The following PIK3CB variants were observed in gnomAD, a reference collection of about 807,000 sequenced individuals.
PIK3CB encodes the protein phosphatidylinositol-4,5-bisphosphate 3-kinase catalytic subunit beta.
In PIK3CB, 39 loss-of-function variants were observed where a neutral mutation model predicts 136.8. That is an observed-to-expected ratio of 0.29 (90% CI 0.22 to 0.37). PIK3CB has a LOEUF of 0.37. PIK3CB is among the 10% of genes least tolerant of loss of function. PIK3CB has a pLI of 1.00. For missense variants in PIK3CB, 868 were observed against 1,275.4 expected, an observed-to-expected ratio of 0.68 and a Z score of 4.87; for synonymous variants, 428 against 436.6, an observed-to-expected ratio of 0.98 and a Z score of 0.25.
intron 1 of PIK3CB, among the ~76,000 whole-genome samples, chr3:138,797,430 A>G (rs1286239636): frequency 6.6e-6 from 1 of 152,148 alleles, no homozygotes; most frequent in Non-Finnish European, 1.5e-5. Context: ...CAGATTGCAC[A>G]CCCATGAAGC....
chr3:138,661,302 C>T (rs772921424), intron 21 of PIK3CB, among the ~76,000 whole-genome samples: 5 of 152,182 alleles, frequency 3.3e-5, no homozygotes, highest in Non-Finnish European at 7.3e-5. Flanking sequence ...AGTTCTGTTT[C>T]AGCCTCTTTC....
intron 2 of PIK3CB, chr3:138,778,256 A>T: frequency 2.4e-6 from 1 of 416,094 alleles, no homozygotes; most frequent in Non-Finnish European, 4.7e-6. Context: ...AACACCTCGC[A>T]ATTCCCAGCA....
At chr3:138,698,247 T>C (rs2044178352) in intron 13 of PIK3CB, among the ~76,000 whole-genome samples, 1 of 152,200 alleles carries the variant, frequency 6.6e-6, no homozygotes, top group African/African-American at 2.4e-5. Flanking sequence ...AATTTGGTTA[T>C]TTTAGTAGAC....
chr3:138,694,978 G>A, intron 13 of PIK3CB, 71 bp from the exon 14 acceptor site: 3 of 1,461,028 alleles, frequency 2.1e-6, no homozygotes, highest in Non-Finnish European at 2.8e-6. Context: ...TGACACACAG[G>A]AGCACCAAGA....
At chr3:138,776,290 A>G (rs1332822389) in intron 2 of PIK3CB, among the ~76,000 whole-genome samples, 2 of 152,196 alleles carry the variant, frequency 1.3e-5, no homozygotes, top group Admixed American at 1.3e-4. Flanking sequence ...TCCTGACTGA[A>G]CGTAGCTACT....
chr3:138,826,222 G>T (rs758182519), intron 1 of PIK3CB: 2 of 1,466,082 alleles, frequency 1.4e-6, no homozygotes, highest in East Asian at 2.3e-5. Context: ...TTTGCTGCTC[G>T]TGATATGAAA....
intron 2 of PIK3CB, among the ~76,000 whole-genome samples, chr3:138,784,790 T>TC (rs1021312749): frequency 5.3e-5 from 8 of 152,158 alleles, no homozygotes; most frequent in Admixed American, 5.2e-4. Flanking sequence ...AACCTCCACC[T>TC]CCCAGCCGCC....
Position 138,775,185 on chromosome 3 carries a change from CAG to C in PIK3CB, c.-16-15828_-16-15827del, listed in dbSNP as rs1396956687. Among the ~76,000 whole-genome samples, 11 of 152,314 alleles carry C rather than the reference CAG, an allele frequency of 7.2e-5. No individual in the cohort carries two copies. In the South Asian group the frequency reaches 2.1e-3, roughly 29 times the overall value. Reference sequence around the variant, plus strand: ...CACTGGTTATTCTCTCTAGAGGACACAGAGAGTCCAGAGAGGCAGGCTGATAA... The same window carrying C: ...CACTGGTTATTCTCTCTAGAGGACACAGAGTCCAGAGAGGCAGGCTGATAA... On this transcript the variant is annotated intron_variant, in intron 2 of 23. Coordinates refer to ENST00000674063, the MANE Select transcript of PIK3CB (RefSeq NM_006219.3).
At position 138,698,893 on chromosome 3, in the gene PIK3CB, C is replaced by T. The variant is rs756490025; in HGVS notation, c.1770+14G>A. The T allele has an allele frequency of 1.0e-5, 16 of 1,559,190 alleles. No individual in the cohort carries two copies. Among genetic ancestry groups the T allele is most frequent in the South Asian group, 9.5e-5 (8 of 84,516 alleles). On this transcript the variant is annotated intron_variant, in intron 13 of 23. Coordinates refer to ENST00000674063, the MANE Select transcript of PIK3CB (RefSeq NM_006219.3). ...ATACACCCAAAAAAAGTTATAGAAA[C>T]GATCTTTTGTTACCTGAGCAACATC...
rs1175665806 is a variant in PIK3CB, at chr3:138,721,340, T to C, written c.1051-6621A>G. On this transcript the variant is annotated intron_variant, in intron 8 of 23. Transcript: ENST00000674063. Reference sequence around the variant, plus strand: ...ACCACACCTGGCTAATTTTTTTGTATTTTTATTAGAGATGAGGTTTCACCA... The same window carrying C: ...ACCACACCTGGCTAATTTTTTTGTACTTTTATTAGAGATGAGGTTTCACCA... 3.9e-5 allele frequency among the ~76,000 whole-genome samples: 6 copies of C among 152,222 alleles called. No individual in the cohort carries two copies. In the South Asian group the frequency reaches 1.0e-3, roughly 26 times the overall value.
intron 2 of PIK3CB, among the ~76,000 whole-genome samples, chr3:138,773,719 A>C (rs528026862): frequency 1.3e-5 from 2 of 152,270 alleles, no homozygotes; most frequent in South Asian, 4.1e-4. Context: ...CCTCTTTTCT[A>C]ATCTAAATGT....
chr3:138,698,808 CCTAT>C (rs1206241615), intron 13 of PIK3CB, 95 bp downstream of exon 13: 1 of 640,628 alleles, frequency 1.6e-6, no homozygotes, highest in Admixed American at 2.8e-5. Context: ...CTTAAATTAT[CCTAT>C]CTATGAAAAT....
intron 13 of PIK3CB, among the ~76,000 whole-genome samples, chr3:138,696,642 G>A (rs921921954): frequency 2.6e-5 from 4 of 152,088 alleles, no homozygotes; most frequent in African/African-American, 4.8e-5. Flanking sequence ...GTTATTGGGG[G>A]GAAAAGGGTC....
At chr3:138,676,444 G>C (rs2043645655) in intron 19 of PIK3CB, among the ~76,000 whole-genome samples, 1 of 152,200 alleles carries the variant, frequency 6.6e-6, no homozygotes, top group Non-Finnish European at 1.5e-5. Flanking sequence ...GTTAACATCA[G>C]TTCCAGTAAT....
chr3:138,749,123 A>C (rs1372685960), intron 4 of PIK3CB, among the ~76,000 whole-genome samples: 1 of 152,224 alleles, frequency 6.6e-6, no homozygotes, highest in African/African-American at 2.4e-5. Context: ...ATTTGGGTGG[A>C]ATGGCTGAAG....
rs1328573518 is a variant in PIK3CB, at chr3:138,705,202, C to T, written c.1531-709G>A. On this transcript the variant is annotated intron_variant, in intron 11 of 23. Transcript: ENST00000674063. The stretch of plus-strand genomic sequence containing the variant: ...AAAACAAAACAAACAAAAAAAAAAA[C>T]TTATATTTGCAAATATAGGAGGCTA... Among the ~76,000 whole-genome samples the T allele has an allele frequency of 4.1e-4, 29 of 71,324 alleles. 1 individual carries two copies. Among genetic ancestry groups the T allele is most frequent in the East Asian group, 8.8e-4 (1 of 1,130 alleles). 46.8% of individuals were successfully genotyped at this position (71,324 alleles called of 152,430 possible).
intron 2 of PIK3CB, among the ~76,000 whole-genome samples, chr3:138,770,728 T>C (rs939434669): frequency 2.6e-5 from 4 of 152,196 alleles, no homozygotes; most frequent in Non-Finnish European, 5.9e-5. Flanking sequence ...TGTTTTTGTT[T>C]TGAGACTAAG....
At chr3:138,738,278 TCTC>T (rs1015523090) in intron 5 of PIK3CB, among the ~76,000 whole-genome samples, 5 of 152,042 alleles carry the variant, frequency 3.3e-5, no homozygotes, top group African/African-American at 1.2e-4. Context: ...TTCAAGCAAT[TCTC>T]CTGTCTCAGC....
At chr3:138,714,804 T>A in intron 8 of PIK3CB, 85 bp from the exon 9 acceptor site, 1 of 1,232,276 alleles carries the variant, frequency 8.1e-7, no homozygotes, top group Non-Finnish European at 1.1e-6. Context: ...TGTTTGTTTC[T>A]ACACTAAAAA....
Sources: allele counts gnomAD v4.1 joint callset (sites outside exome capture counted in the v4.1 genomes callset), GRCh38; gene constraint gnomAD v4.1.1; transcripts MANE v1.5; gene names NCBI Gene and HGNC (gene_info 2026-07-23, HGNC 2026-07-21).